The following RBMS3 variants were observed in gnomAD, a reference collection of about 807,000 sequenced individuals.
RBMS3 encodes the protein RNA binding motif single stranded interacting protein 3.
A neutral mutation model predicts 66.8 loss-of-function variants in RBMS3; 27 were observed. That is an observed-to-expected ratio of 0.40 (90% CI 0.30 to 0.56). The LOEUF (loss-of-function observed/expected upper bound fraction) is 0.56. Ranked by LOEUF, RBMS3 falls within the 20% of genes least tolerant of loss-of-function variation. The pLI is 0.40. For synonymous variants in RBMS3, 188 were observed against 183.0 expected, an observed-to-expected ratio of 1.03 and a Z score of -0.22; for missense variants, 513 against 549.5, an observed-to-expected ratio of 0.93 and a Z score of 0.66.
intron 1 of RBMS3, among the ~76,000 whole-genome samples, chr3:29,360,855 G>A (rs1353383993): frequency 6.6e-6 from 1 of 152,106 alleles, no homozygotes; most frequent in South Asian, 2.1e-4. Flanking sequence ...TTTCATCAGA[G>A]ACTAGGATTG....
intron 6 of RBMS3, among the ~76,000 whole-genome samples, chr3:29,802,508 C>T (rs76944818): frequency 0.019 from 2,922 of 152,282 alleles, 94 homozygotes; most frequent in African/African-American, 0.067. Context: ...ACAATACTTA[C>T]TGAAATATAA....
rs2055059021 is a variant in RBMS3, at chr3:29,749,060, A to G, written c.557+9183A>G. On this transcript the variant is annotated intron_variant, in intron 5 of 14. Transcript: ENST00000383767. ...TTATGACTTTAATTTTCTCAGAAGC[A>G]GTAAAACAGTGAGAGATACATATTG... is the stretch of plus-strand genomic sequence containing the variant. Among the ~76,000 whole-genome samples, 5 of 152,326 alleles carry G rather than the reference A, an allele frequency of 3.3e-5. No individual in the cohort carries two copies. In the South Asian group the frequency reaches 1.0e-3, roughly 32 times the overall value.
intron 3 of RBMS3, among the ~76,000 whole-genome samples, chr3:29,541,185 A>C (rs1280523109): frequency 6.6e-6 from 1 of 152,142 alleles, no homozygotes. Flanking sequence ...TGCCATCTAC[A>C]TGTGAAAAAC....
chr3:29,930,387 C>T (rs935056516), intron 10 of RBMS3, among the ~76,000 whole-genome samples: 23 of 151,878 alleles, frequency 1.5e-4, no homozygotes, highest in African/African-American at 5.3e-4. Context: ...GCTGGGATTA[C>T]AGGCGTGAGC....
At chr3:29,552,021 A>G (rs2046197076) in intron 3 of RBMS3, among the ~76,000 whole-genome samples, 1 of 152,186 alleles carries the variant, frequency 6.6e-6, no homozygotes, top group Non-Finnish European at 1.5e-5. Flanking sequence ...AAAAAAAGAA[A>G]CACTGCATGA....
chr3:29,964,378 T>C (rs1696687009), intron 12 of RBMS3, among the ~76,000 whole-genome samples: 1 of 152,130 alleles, frequency 6.6e-6, no homozygotes, highest in Non-Finnish European at 1.5e-5. Context: ...AGTAGAGTGG[T>C]ATGATAGCAG....
At chr3:29,984,783 A>C (rs1698255387) in intron 12 of RBMS3, among the ~76,000 whole-genome samples, 1 of 152,100 alleles carries the variant, frequency 6.6e-6, no homozygotes, top group South Asian at 2.1e-4. Context: ...TTCCTCTGGA[A>C]GCTTCGTCCC....
chr3:29,901,992 C>T (rs1457476484), intron 10 of RBMS3, among the ~76,000 whole-genome samples: 1 of 151,712 alleles, frequency 6.6e-6, no homozygotes, highest in Non-Finnish European at 1.5e-5. Context: ...GGTTAAGTCA[C>T]CCTATGATAC....
chr3:29,471,798 A>C (rs2042738666), intron 2 of RBMS3, among the ~76,000 whole-genome samples: 1 of 148,918 alleles, frequency 6.7e-6, no homozygotes, highest in Non-Finnish European at 1.5e-5. Flanking sequence ...AATAAAATCC[A>C]ATATGTTATC....
At chr3:29,907,094 T>C (rs1379070664) in intron 10 of RBMS3, among the ~76,000 whole-genome samples, 1 of 152,136 alleles carries the variant, frequency 6.6e-6, no homozygotes, top group Non-Finnish European at 1.5e-5. Flanking sequence ...AAGGCTCTTT[T>C]AATCTGGCAG....
intron 10 of RBMS3, among the ~76,000 whole-genome samples, chr3:29,920,445 TAA>T (rs1387939997): frequency 5.3e-5 from 8 of 152,264 alleles, no homozygotes; most frequent in African/African-American, 1.9e-4. Flanking sequence ...CACAGGTAAA[TAA>T]AAAGTTTTCT....
intron 12 of RBMS3, among the ~76,000 whole-genome samples, chr3:29,979,602 A>G (rs1697841157): frequency 6.6e-6 from 1 of 152,062 alleles, no homozygotes; most frequent in Admixed American, 6.6e-5. Context: ...CCACCACCTG[A>G]CAGGCTGCAG....
chr3:29,736,413 T>C (rs897047626), intron 4 of RBMS3, among the ~76,000 whole-genome samples: 33 of 152,368 alleles, frequency 2.2e-4, no homozygotes, highest in Admixed American at 1.0e-3. Context: ...TTTGAGCAGC[T>C]GCAATGCATT....
intron 10 of RBMS3, among the ~76,000 whole-genome samples, chr3:29,922,716 T>C (rs2060825752): frequency 6.6e-6 from 1 of 152,192 alleles, no homozygotes; most frequent in Admixed American, 6.5e-5. Context: ...TATTGCTTTA[T>C]CAATTTCAAG....
chr3:29,969,186 C>T (rs918563100), intron 12 of RBMS3, among the ~76,000 whole-genome samples: 49 of 152,124 alleles, frequency 3.2e-4, no homozygotes, highest in African/African-American at 1.2e-3. Context: ...AGATTAAATG[C>T]CTAATAGACA....
intron 1 of RBMS3, among the ~76,000 whole-genome samples, chr3:29,356,878 G>A (rs905469222): frequency 6.6e-6 from 1 of 152,080 alleles, no homozygotes; most frequent in Non-Finnish European, 1.5e-5. Context: ...ATGAGATAAT[G>A]CATTCAGAAA....
At chr3:29,557,230 A>G (rs1023174890) in intron 3 of RBMS3, among the ~76,000 whole-genome samples, 84 of 152,242 alleles carry the variant, frequency 5.5e-4, no homozygotes, top group African/African-American at 2.0e-3. Context: ...CTGTGTAAAT[A>G]TACCCTCTGA....
chr3:29,563,723 T>C (rs1576237518), intron 3 of RBMS3, among the ~76,000 whole-genome samples: 1 of 152,158 alleles, frequency 6.6e-6, no homozygotes, highest in Non-Finnish European at 1.5e-5. Context: ...TAATTGGATG[T>C]ATATTTAATA....
chr3:29,708,885 C>T (rs930329216), intron 4 of RBMS3, among the ~76,000 whole-genome samples: 8 of 152,184 alleles, frequency 5.3e-5, no homozygotes, highest in Non-Finnish European at 1.0e-4. Context: ...AACTGTCAAT[C>T]CCTAAGGGAA....
Sources: gnomAD v4.1 joint callset for allele counts (sites outside exome capture counted in the v4.1 genomes callset) on GRCh38, gnomAD v4.1.1 for gene constraint, MANE v1.5 for transcripts, NCBI Gene and HGNC (gene_info 2026-07-23, HGNC 2026-07-21) for gene names.